Variants in CTDSPL observed in about 807,000 individuals in gnomAD.
The protein encoded by CTDSPL is CTD small phosphatase-like protein.
Under a neutral mutation model 30.5 loss-of-function variants are expected in CTDSPL, and 8 were observed. The observed-to-expected ratio is 0.26, with a 90% CI of 0.15 to 0.47. The LOEUF (loss-of-function observed/expected upper bound fraction) is 0.47. Ranked by LOEUF, CTDSPL falls within the 20% of genes least tolerant of loss-of-function variation. The pLI is 0.99. For synonymous variants in CTDSPL, 110 were observed against 137.9 expected (o/e 0.80, Z 1.42); for missense variants, 248 against 366.1 (o/e 0.68, Z 2.63).
chr3:37,936,760 C>T (rs775484222), intron 1 of CTDSPL, among the ~76,000 whole-genome samples: 13 of 151,828 alleles, frequency 8.6e-5, no homozygotes, highest in African/African-American at 2.7e-4. Context: ...CTCTGACCTT[C>T]CCACATGTGA....
chr3:37,910,549 A>G (rs1020851087), intron 1 of CTDSPL, among the ~76,000 whole-genome samples: 3 of 152,228 alleles, frequency 2.0e-5, no homozygotes, highest in African/African-American at 7.2e-5. Context: ...GCTAAACTCC[A>G]GTTGAATTCA....
At chr3:37,948,823 T>TC in intron 2 of CTDSPL, among the ~76,000 whole-genome samples, 1 of 125,084 alleles carries the variant, frequency 8.0e-6, no homozygotes, top group African/African-American at 2.8e-5. Flanking sequence ...TTTTTTTTTT[T>TC]TTTTTTTTGA....
intron 1 of CTDSPL, among the ~76,000 whole-genome samples, chr3:37,915,605 GT>G (rs1277992860): frequency 1.3e-5 from 2 of 151,978 alleles, no homozygotes; most frequent in Non-Finnish European, 2.9e-5. Context: ...TAGTTATTTT[GT>G]TTTTAAAATC....
chr3:37,934,565 C>T (rs1402867766), intron 1 of CTDSPL, among the ~76,000 whole-genome samples: 2 of 152,186 alleles, frequency 1.3e-5, no homozygotes, highest in Non-Finnish European at 2.9e-5. Flanking sequence ...ATAATCTCTC[C>T]TTCTGAAAAC....
chr3:37,868,411 T>C (rs1698036545), intron 1 of CTDSPL, among the ~76,000 whole-genome samples: 1 of 152,088 alleles, frequency 6.6e-6, no homozygotes, highest in Admixed American at 6.6e-5. Context: ...AGTTTTAAAT[T>C]TTGATAAGGT....
At chr3:37,867,395 A>G (rs1211704227) in intron 1 of CTDSPL, among the ~76,000 whole-genome samples, 3 of 152,228 alleles carry the variant, frequency 2.0e-5, no homozygotes, top group Non-Finnish European at 4.4e-5. Flanking sequence ...GATGTTGAGT[A>G]TTATGAATAA....
At chr3:37,872,392 T>C (rs963713899) in intron 1 of CTDSPL, among the ~76,000 whole-genome samples, 1 of 152,022 alleles carries the variant, frequency 6.6e-6, no homozygotes, top group African/African-American at 2.4e-5. Flanking sequence ...AATTGAAACC[T>C]GGACATTTTT....
At chr3:37,906,827 G>C (rs1317428231) in intron 1 of CTDSPL, among the ~76,000 whole-genome samples, 2 of 152,212 alleles carry the variant, frequency 1.3e-5, no homozygotes, top group African/African-American at 4.8e-5. Flanking sequence ...GACTAAGAAA[G>C]TCACTTCGCC....
rs1187546852 is a variant in CTDSPL, at chr3:37,939,879, G to A, written c.80-7178G>A. Among the ~76,000 whole-genome samples the A allele has an allele frequency of 2.0e-5, 3 of 150,148 alleles. 1 individual carries two copies. Among genetic ancestry groups the A allele is most frequent in the Non-Finnish European group, 4.5e-5 (3 of 67,006 alleles). On this transcript the variant is annotated intron_variant, in intron 1 of 7. Transcript: ENST00000273179. ...AAGGCCAAGGCAGATGGATCACAAG[G>A]TCAGGAGTTCAAGACCAGCCTGGCC... is the stretch of plus-strand genomic sequence containing the variant.
At chr3:37,896,699 T>C (rs1698394244) in intron 1 of CTDSPL, among the ~76,000 whole-genome samples, 1 of 152,046 alleles carries the variant, frequency 6.6e-6, no homozygotes, top group South Asian at 2.1e-4. Flanking sequence ...CCACCACACC[T>C]AGCTAATTTT....
At chr3:37,960,923 G>A (rs1194947881) in intron 3 of CTDSPL, among the ~76,000 whole-genome samples, 1 of 152,042 alleles carries the variant, frequency 6.6e-6, no homozygotes, top group Non-Finnish European at 1.5e-5. Flanking sequence ...CCAAATGTAT[G>A]ATATATCTTT....
chr3:37,962,394 C>A (rs1473503646), intron 3 of CTDSPL, among the ~76,000 whole-genome samples: 4 of 152,236 alleles, frequency 2.6e-5, no homozygotes, highest in Non-Finnish European at 5.9e-5. Context: ...TTGTTCCCTG[C>A]AGCACAAATT....
chr3:37,895,884 AC>A (rs1440073696), intron 1 of CTDSPL, among the ~76,000 whole-genome samples: 1 of 152,310 alleles, frequency 6.6e-6, no homozygotes, highest in East Asian at 1.9e-4. Flanking sequence ...CTCAAAAAAA[AC>A]TAATAGTGAA....
rs1699278167 is a variant in CTDSPL, at chr3:37,964,469, A to T, written c.268-102A>T. On this transcript the variant is annotated intron_variant, in intron 3 of 7. Transcript: ENST00000273179. ...CTATTGTTCTTAATAAAAGCCCATT[A>T]TACGCTTGACCAGGCATTTAAATGT... 4.1e-6 allele frequency: 3 copies of T among 732,014 alleles called. No individual in the cohort carries two copies. The South Asian group carries it at 5.5e-5, about 13-fold the overall frequency. 45.3% of individuals were successfully genotyped at this position (732,014 alleles called of 1,614,324 possible).
chr3:37,904,057 T>A (rs1698483871), intron 1 of CTDSPL, among the ~76,000 whole-genome samples: 1 of 152,232 alleles, frequency 6.6e-6, no homozygotes, highest in African/African-American at 2.4e-5. Flanking sequence ...TCCTTCAACC[T>A]GTCCAAGGCT....
At chr3:37,966,413 CAG>C (rs1187334629) in intron 4 of CTDSPL, among the ~76,000 whole-genome samples, 3 of 152,208 alleles carry the variant, frequency 2.0e-5, no homozygotes, top group Non-Finnish European at 4.4e-5. Flanking sequence ...CTAGCTGTAG[CAG>C]AGTCTCCTTT....
In CTDSPL at chr3:37,981,633, G is replaced by A. The variant is rs748800732; in HGVS notation, c.*766G>A. ...ATTATTTTATATTATTATTTCTGAT[G>A]GTGACAAGTTTGTCTTGAGGTCACA... On this transcript the variant is annotated 3_prime_UTR_variant, in exon 8 of 8. Coordinates refer to ENST00000273179, the MANE Select transcript of CTDSPL (RefSeq NM_001008392.2). 3 of 319,300 alleles carry A rather than the reference G, an allele frequency of 9.4e-6. No homozygotes were observed. Among genetic ancestry groups the A allele is most frequent in the East Asian group, 1.6e-4 (2 of 12,130 alleles). 19.8% of individuals were successfully genotyped at this position (319,300 alleles called of 1,614,324 possible). A position where few individuals can be genotyped will look rare whatever the true frequency, so the allele number is the denominator to read the frequency against.
chr3:37,862,246 A>G lies in CTDSPL; in HGVS notation c.47A>G (p.Asp16Gly). ...ACCCAGGTGACCAACCCCAAGGAGG[A>G]CGAGGGCCGGTTGCCGGGCGCGGGC... is the stretch of plus-strand genomic sequence containing the variant. Reference protein sequence around the residue: ...IITQVTNPKEDEGRLPGAGEK... With the variant: ...IITQVTNPKEGEGRLPGAGEK... Residue 16 changes from aspartate to glycine, a missense_variant, in exon 1 of 8, where the codon GAC becomes GGC. This residue lies in a region of CTDSPL where 118 missense variants were observed against 124.7 expected (regional missense o/e 0.95). Transcript: ENST00000273179. The surrounding 1 kb of genome is among the most constrained non-coding windows in gnomAD (Gnocchi z 4.3). The G allele has an allele frequency of 2.0e-6, 3 of 1,490,706 alleles. No individual in the cohort carries two copies. The highest frequency in any genetic ancestry group is 2.9e-5 in the East Asian group (1 of 34,944). 92.3% of individuals were successfully genotyped at this position (1,490,706 alleles called of 1,614,324 possible).
At chr3:37,897,160 C>A (rs1282765546) in intron 1 of CTDSPL, among the ~76,000 whole-genome samples, 1 of 152,122 alleles carries the variant, frequency 6.6e-6, no homozygotes, top group Non-Finnish European at 1.5e-5. Flanking sequence ...TACAGTAATA[C>A]AGATTCGATA....
Sources: gnomAD v4.1 joint callset for allele counts (sites outside exome capture counted in the v4.1 genomes callset) on GRCh38, gnomAD v4.1.1 for gene constraint, gnomAD v4.1.1 regional missense constraint, Gnocchi (gnomAD v3.1) non-coding constraint, MANE v1.5 for transcripts, NCBI Gene and HGNC (gene_info 2026-07-23, HGNC 2026-07-21) for gene names.